The following UTY variants were observed in gnomAD, a reference collection of about 807,000 sequenced individuals.
UTY encodes histone demethylase UTY.
UTY carries 12 observed loss-of-function variants against 32.5 expected under a neutral mutation model. The ratio of observed to expected loss-of-function variants is 0.37; its 90% confidence interval spans 0.24 to 0.60. The LOEUF (loss-of-function observed/expected upper bound fraction) is 0.60, where lower values mean the gene tolerates loss of function less well. Among genes scored for constraint, UTY ranks in the 20% least tolerant of loss-of-function variants. UTY has a pLI of 0.69. For synonymous variants in UTY, 131 were observed against 103.4 expected (o/e 1.27, Z -1.62); for missense variants, 303 against 299.2 (o/e 1.01, Z -0.09).
At chrY:13,250,830 A>G in intron 29 of UTY, among the ~76,000 whole-genome samples, 187 bp downstream of exon 29, 1 of 34,293 alleles carries the variant, frequency 2.9e-5, no homozygotes, top group Non-Finnish European at 7.3e-5. Context: ...AAATGGTAAT[A>G]AACAGTTTCA....
chrY:13,362,570 TAAC>T (rs2063663845), intron 10 of UTY, among the ~76,000 whole-genome samples: 8 of 34,315 alleles, frequency 2.3e-4, no homozygotes, highest in Non-Finnish European at 2.9e-4. Flanking sequence ...TGTGTTTTAC[TAAC>T]ACCCAATGTC....
At chrY:13,391,395 T>C in intron 8 of UTY, among the ~76,000 whole-genome samples, 1 of 33,361 alleles carries the variant, frequency 3.0e-5, no homozygotes, top group Non-Finnish European at 7.5e-5. Flanking sequence ...TTAAAATTAG[T>C]TCCTCCGTAT....
At chrY:13,435,502 C>G (rs2074450076) in intron 4 of UTY, among the ~76,000 whole-genome samples, 2 of 34,044 alleles carry the variant, frequency 5.9e-5, no homozygotes, top group African/African-American at 1.1e-4. Context: ...TGTCTGAAAC[C>G]GGTATCCTGC....
chrY:13,317,013 A>ATT (rs2059528861), intron 21 of UTY, among the ~76,000 whole-genome samples: 1 of 32,118 alleles, frequency 3.1e-5, no homozygotes, highest in Non-Finnish European at 7.7e-5. Flanking sequence ...ATTTTAAAAG[A>ATT]TTTTTTTTTA....
intron 8 of UTY, among the ~76,000 whole-genome samples, chrY:13,378,408 A>G (rs2065638262): frequency 2.9e-5 from 1 of 34,002 alleles, no homozygotes; most frequent in African/African-American, 1.2e-4. Context: ...ACTGTATGCC[A>G]TTTACAAACA....
chrY:13,278,898 G>A, intron 27 of UTY, among the ~76,000 whole-genome samples: 2 of 33,614 alleles, frequency 5.9e-5, no homozygotes, highest in Non-Finnish European at 1.5e-4. Flanking sequence ...ATAACAGAAG[G>A]AGCCAGGCAG....
chrY:13,321,937 T>C, intron 21 of UTY, among the ~76,000 whole-genome samples: 1 of 33,366 alleles, frequency 3.0e-5, no homozygotes, highest in Non-Finnish European at 7.4e-5. Flanking sequence ...AGATGCATAG[T>C]GGTTTTGGCT....
chrY:13,472,932 T>C, intron 2 of UTY, among the ~76,000 whole-genome samples: 1 of 33,586 alleles, frequency 3.0e-5, no homozygotes, highest in Admixed American at 2.7e-4. Flanking sequence ...TTAATATAAC[T>C]GGAATCCAAA....
chrY:13,319,957 T>G (rs983813881), intron 21 of UTY, among the ~76,000 whole-genome samples: 2 of 33,581 alleles, frequency 6.0e-5, no homozygotes, highest in Admixed American at 5.5e-4. Flanking sequence ...CCTCTGATCC[T>G]ATTTTGTAAT....
intron 17 of UTY, 27 bp from the exon 18 acceptor site, chrY:13,336,362 A>G: frequency 2.7e-6 from 1 of 371,586 alleles, no homozygotes; most frequent in Non-Finnish European, 3.8e-6. Context: ...GAAATTTAAT[A>G]TCATGGGAGC....
At chrY:13,362,499 A>G in intron 10 of UTY, among the ~76,000 whole-genome samples, 1 of 34,076 alleles carries the variant, frequency 2.9e-5, no homozygotes, top group African/African-American at 1.1e-4. Context: ...GTACAATCCA[A>G]TTGAAAAGCT....
chrY:13,390,488 C>A (rs2067426937), intron 8 of UTY, among the ~76,000 whole-genome samples: 1 of 33,504 alleles, frequency 3.0e-5, no homozygotes, highest in Admixed American at 2.7e-4. Context: ...TTTAATCCAG[C>A]CACTGAGATA....
chrY:13,282,710 C>A (rs750041118), intron 27 of UTY, among the ~76,000 whole-genome samples: 1 of 34,026 alleles, frequency 2.9e-5, no homozygotes, highest in East Asian at 7.9e-4. Flanking sequence ...ATACTCCCAG[C>A]TGAATAAAGC....
intron 27 of UTY, among the ~76,000 whole-genome samples, chrY:13,273,684 C>T: frequency 6.3e-5 from 2 of 31,679 alleles, no homozygotes; most frequent in South Asian, 6.7e-4. Flanking sequence ...GAACAAATAC[C>T]TTTTCACTAA....
intron 21 of UTY, among the ~76,000 whole-genome samples, chrY:13,316,216 C>T (rs757524529): frequency 1.8e-4 from 6 of 33,478 alleles, no homozygotes; most frequent in Admixed American, 5.4e-4. Flanking sequence ...TATACCAACA[C>T]GACAATTCGC....
intron 4 of UTY, among the ~76,000 whole-genome samples, chrY:13,434,182 T>C: frequency 3.0e-5 from 1 of 33,716 alleles, no homozygotes; most frequent in East Asian, 7.7e-4. Flanking sequence ...ACTTGAAAAA[T>C]ACAGATTGAC....
chrY:13,415,946 AT>A (rs2071627019), intron 4 of UTY, among the ~76,000 whole-genome samples: 1 of 32,876 alleles, frequency 3.0e-5, no homozygotes, highest in Non-Finnish European at 7.5e-5. Context: ...ATTTATTATT[AT>A]TTTTTTGATA....
At chrY:13,408,617 T>C (rs529980048) in intron 6 of UTY, among the ~76,000 whole-genome samples, 690 of 32,818 alleles carry the variant, frequency 0.021, no homozygotes, top group Non-Finnish European at 0.032. Flanking sequence ...ATATTCATTC[T>C]AACTCACACC....
At chrY:13,293,228 A>C in intron 27 of UTY, among the ~76,000 whole-genome samples, 2 of 33,913 alleles carry the variant, frequency 5.9e-5, no homozygotes, top group African/African-American at 2.3e-4. Context: ...CTAAACCCTA[A>C]GTAAGAATGC....
Sources: allele counts gnomAD v4.1 joint callset (sites outside exome capture counted in the v4.1 genomes callset), GRCh38; gene constraint gnomAD v4.1.1; transcripts MANE v1.5; gene names NCBI Gene and HGNC (gene_info 2026-07-23, HGNC 2026-07-21).